EML5: variants seen among roughly 807,000 people sequenced by gnomAD.
EML5 encodes EMAP like 5, also known as echinoderm microtubule-associated protein-like 5.
In EML5, 120 loss-of-function variants were observed where a neutral mutation model predicts 250.0. The observed-to-expected ratio is 0.48, with a 90% CI of 0.41 to 0.56. The LOEUF (loss-of-function observed/expected upper bound fraction) is 0.56, where lower values mean the gene tolerates loss of function less well. EML5 is among the 20% of genes least tolerant of loss of function. The pLI is 0.00. For synonymous variants in EML5, 771 were observed against 806.5 expected, an observed-to-expected ratio of 0.96 and a Z score of 0.75; for missense variants, 2,006 against 2,437.6, an observed-to-expected ratio of 0.82 and a Z score of 3.73.
chr14:88,745,545 G>T (rs1002669958), intron 3 of EML5, among the ~76,000 whole-genome samples: 1 of 152,150 alleles, frequency 6.6e-6, no homozygotes, highest in East Asian at 1.9e-4. Flanking sequence ...ATAGTAATAC[G>T]TAATTTTAAA....
intron 10 of EML5, among the ~76,000 whole-genome samples, chr14:88,709,014 A>G (rs2093362426): frequency 6.6e-6 from 1 of 152,096 alleles, no homozygotes. Flanking sequence ...CAATGATTCC[A>G]TTTCTTTTAT....
At chr14:88,685,803 C>T (rs1273698625) in intron 19 of EML5, among the ~76,000 whole-genome samples, 1 of 152,010 alleles carries the variant, frequency 6.6e-6, no homozygotes, top group Admixed American at 6.6e-5. Flanking sequence ...AATGTAAATG[C>T]TATGTAAATA....
At chr14:88,736,812 TA>T (rs1203432118) in intron 6 of EML5, among the ~76,000 whole-genome samples, 1 of 152,152 alleles carries the variant, frequency 6.6e-6, no homozygotes, top group Non-Finnish European at 1.5e-5. Context: ...TACACATATT[TA>T]TCCTTCCCTA....
At chr14:88,721,229 T>G (rs2093584422) in intron 8 of EML5, among the ~76,000 whole-genome samples, 1 of 152,194 alleles carries the variant, frequency 6.6e-6, no homozygotes, top group Non-Finnish European at 1.5e-5. Flanking sequence ...CCCATTAAAC[T>G]ACCACTGATA....
At chr14:88,752,647 C>T (rs1455560604) in intron 2 of EML5, among the ~76,000 whole-genome samples, 1 of 152,138 alleles carries the variant, frequency 6.6e-6, no homozygotes, top group African/African-American at 2.4e-5. Flanking sequence ...AAGGTGGGGT[C>T]CCTGGCAAGG....
intron 10 of EML5, among the ~76,000 whole-genome samples, chr14:88,709,341 G>C (rs1343523393): frequency 2.0e-5 from 3 of 150,776 alleles, no homozygotes; most frequent in African/African-American, 7.4e-5. Context: ...AAAGATATTT[G>C]CAAACTATAA....
At chr14:88,703,272 T>G (rs761290629) in intron 13 of EML5, among the ~76,000 whole-genome samples, 9 of 152,242 alleles carry the variant, frequency 5.9e-5, no homozygotes, top group Non-Finnish European at 7.3e-5. Flanking sequence ...ATATTTGTAT[T>G]TGTTGTATAA....
intron 10 of EML5, among the ~76,000 whole-genome samples, chr14:88,706,639 G>A (rs2093322063): frequency 6.6e-6 from 1 of 152,158 alleles, no homozygotes; most frequent in Admixed American, 6.5e-5. Context: ...CAAAGGCTGT[G>A]AGGCATTATC....
intron 7 of EML5, among the ~76,000 whole-genome samples, chr14:88,728,344 C>T (rs191805776): frequency 2.0e-5 from 3 of 151,770 alleles, no homozygotes; most frequent in African/African-American, 7.3e-5. Context: ...AGCACCAATT[C>T]CCATGCCATC....
At position 88,718,767 on chromosome 14, in the gene EML5, G is replaced by T. The variant is rs568008667; in HGVS notation, c.1188-3572C>A. 2.6e-5 allele frequency among the ~76,000 whole-genome samples: 4 copies of T among 152,232 alleles called. No individual in the cohort carries two copies. The East Asian group carries it at 5.8e-4, about 22-fold the overall frequency. On this transcript the variant is annotated intron_variant, in intron 8 of 43. Transcript: ENST00000554922. ...AAGTAGAAATGTGATGTAAGAGAGA[G>T]AGACTTTGGTTTGAGGCATGAAACT...
At chr14:88,718,164 T>C (rs771812544) in intron 8 of EML5, among the ~76,000 whole-genome samples, 2 of 152,098 alleles carry the variant, frequency 1.3e-5, no homozygotes, top group Non-Finnish European at 2.9e-5. Context: ...TTGGGAGGGA[T>C]ATCATGAGTT....
chr14:88,750,851 G>A (rs922515852), intron 2 of EML5, among the ~76,000 whole-genome samples: 2 of 152,130 alleles, frequency 1.3e-5, no homozygotes, highest in African/African-American at 2.4e-5. Flanking sequence ...TAGAACAAAT[G>A]TATCTACCTC....
At position 88,696,449 on chromosome 14, in the gene EML5, T is replaced by G. The variant is rs2093081421; in HGVS notation, c.2344+398A>C. On this transcript the variant is annotated intron_variant, in intron 15 of 43. Transcript: ENST00000554922. ...ATGTCTAAAATAAGTATTTCAATTC[T>G]CAACTCTTTCTTTGCTAGCCTTTTA... Among the ~76,000 whole-genome samples, 3 of 152,148 alleles carry G rather than the reference T, an allele frequency of 2.0e-5. No homozygotes were observed. The South Asian group carries it at 6.2e-4, about 31-fold the overall frequency.
intron 7 of EML5, among the ~76,000 whole-genome samples, chr14:88,729,713 C>A (rs2093723886): frequency 6.6e-6 from 1 of 151,968 alleles, no homozygotes; most frequent in South Asian, 2.1e-4. Context: ...GCATGTGCCA[C>A]CATTCCCCGG....
chr14:88,712,230 T>C (rs2093420213), intron 10 of EML5, 41 bp downstream of exon 10: 3 of 1,391,074 alleles, frequency 2.2e-6, no homozygotes, highest in Non-Finnish European at 3.0e-6. Context: ...GAAAGTCTTC[T>C]GTGAGAGAGA....
chr14:88,741,929 TAATTA>T (rs768425009), intron 4 of EML5, among the ~76,000 whole-genome samples: 2 of 152,220 alleles, frequency 1.3e-5, no homozygotes, highest in African/African-American at 4.8e-5. Flanking sequence ...ATGAGTACTT[TAATTA>T]AACTTTGTAA....
At chr14:88,709,183 G>A (rs1233422750) in intron 10 of EML5, among the ~76,000 whole-genome samples, 1 of 151,522 alleles carries the variant, frequency 6.6e-6, no homozygotes, top group Non-Finnish European at 1.5e-5. Flanking sequence ...ATATCTTTCT[G>A]ACCCTAGTAA....
chr14:88,692,467 T>C (rs1681301530), intron 17 of EML5, among the ~76,000 whole-genome samples: 1 of 152,186 alleles, frequency 6.6e-6, no homozygotes, highest in Non-Finnish European at 1.5e-5. Flanking sequence ...CAACAAACTA[T>C]TTACATAGCA....
chr14:88,639,634 T>G (rs1227059460), intron 31 of EML5, among the ~76,000 whole-genome samples: 1 of 152,196 alleles, frequency 6.6e-6, no homozygotes, highest in Non-Finnish European at 1.5e-5. Context: ...TGGAGTGCAA[T>G]GGTGTAATCC....
Sources: gnomAD v4.1 joint callset for allele counts (sites outside exome capture counted in the v4.1 genomes callset) on GRCh38, gnomAD v4.1.1 for gene constraint, MANE v1.5 for transcripts, NCBI Gene and HGNC (gene_info 2026-07-23, HGNC 2026-07-21) for gene names.